Variants in CIDEA observed in about 807,000 individuals in gnomAD.
CIDEA encodes the protein cell death inducing DFFA like effector a, also known as lipid transferase CIDEA.
In CIDEA, 10 loss-of-function variants were observed where a neutral mutation model predicts 18.2. The ratio of observed to expected loss-of-function variants is 0.55; its 90% CI spans 0.34 to 0.93. The LOEUF (loss-of-function observed/expected upper bound fraction) is 0.93, where lower values mean the gene tolerates loss of function less well. Ranked by LOEUF, CIDEA falls within the 40% of genes least tolerant of loss-of-function variation. The pLI, the probability that CIDEA is intolerant of heterozygous loss-of-function variation, is 0.02. For missense variants in CIDEA, 309 were observed against 293.1 expected (o/e 1.05, Z -0.40); for synonymous variants, 128 against 124.8 (o/e 1.03, Z -0.17).
At chr18:12,255,758 G>C (rs1296495422) in intron 1 of CIDEA, among the ~76,000 whole-genome samples, 1 of 152,220 alleles carries the variant, frequency 6.6e-6, no homozygotes, top group Non-Finnish European at 1.5e-5. Context: ...CAGGATTCAG[G>C]CTGAGCCTGT....
rs1568104915 is a variant in CIDEA at position 12,270,178 on chromosome 18, C to T, written c.331-3915C>T. The stretch of plus-strand genomic sequence containing the variant: ...AGAAAAGTAAGGGGAAAACGCATGG[C>T]ATAAAAACCTCTTGAGAGGAGGGGA... On this transcript the variant is annotated intron_variant, in intron 3 of 4. Coordinates refer to ENST00000320477, the MANE Select transcript of CIDEA (RefSeq NM_001279.4). Among the ~76,000 whole-genome samples, 7 of 152,174 alleles carry T rather than the reference C, an allele frequency of 4.6e-5. No homozygotes were observed. In the South Asian group the frequency reaches 1.5e-3, roughly 32 times the overall value.
intron 4 of CIDEA, among the ~76,000 whole-genome samples, chr18:12,274,782 A>G (rs1321239847): frequency 6.6e-6 from 1 of 152,204 alleles, no homozygotes; most frequent in Non-Finnish European, 1.5e-5. Context: ...GGCTGGTTGC[A>G]CAGCATCCCA....
At chr18:12,262,391 A>G (rs1409443060) in intron 1 of CIDEA, among the ~76,000 whole-genome samples, 1 of 152,078 alleles carries the variant, frequency 6.6e-6, no homozygotes, top group African/African-American at 2.4e-5. Context: ...TTTCTGGCTT[A>G]CCCTTATTGT....
At chr18:12,256,485 T>G (rs767534238) in intron 1 of CIDEA, among the ~76,000 whole-genome samples, 1 of 152,166 alleles carries the variant, frequency 6.6e-6, no homozygotes, top group African/African-American at 2.4e-5. Flanking sequence ...CAGCCTGAGG[T>G]CTCACAACAA....
At chr18:12,272,155 G>GGGGGT (rs1912559728) in intron 3 of CIDEA, among the ~76,000 whole-genome samples, 1 of 14,692 alleles carries the variant, frequency 6.8e-5, no homozygotes, top group African/African-American at 1.3e-4. Context: ...TGTGTGGGGG[G>GGGGGT]GGGGGGTTGG....
At chr18:12,261,709 G>T (rs1017443939) in intron 1 of CIDEA, among the ~76,000 whole-genome samples, 1 of 152,054 alleles carries the variant, frequency 6.6e-6, no homozygotes, top group East Asian at 2.0e-4. Context: ...GAGTAGATGA[G>T]AGTATAGCTG....
chr18:12,270,901 T>TTTTTTTTTTTTTTTTTTTTTTTTTG, intron 3 of CIDEA, among the ~76,000 whole-genome samples: 1 of 136,420 alleles, frequency 7.3e-6, no homozygotes, highest in Non-Finnish European at 1.6e-5. Context: ...TTTCTTTTTT[T>TTTTTTTTTTTTTTTTTTTTTTTTTG]TTTTTTTTTT....
chr18:12,261,263 A>G (rs1912182494), intron 1 of CIDEA, among the ~76,000 whole-genome samples: 1 of 152,178 alleles, frequency 6.6e-6, no homozygotes, highest in Admixed American at 6.5e-5. Context: ...GCACGCCTGC[A>G]ATCCCAGCTA....
At chr18:12,269,171 A>G (rs1912444188) in intron 3 of CIDEA, among the ~76,000 whole-genome samples, 1 of 152,212 alleles carries the variant, frequency 6.6e-6, no homozygotes, top group Admixed American at 6.5e-5. Flanking sequence ...TCCAAAACAA[A>G]AAGATGGAGG....
At chr18:12,269,786 C>A (rs1046225803) in intron 3 of CIDEA, among the ~76,000 whole-genome samples, 1 of 152,124 alleles carries the variant, frequency 6.6e-6, no homozygotes, top group African/African-American at 2.4e-5. Context: ...CAGCCTTCAC[C>A]TCCTGGGCTC....
chr18:12,264,697 G>A lies in CIDEA; in HGVS notation c.330+244G>A, dbSNP rs536533234. ...GCCTCCGGAGTAGCTGGGACTACAG[G>A]CACCCGCCACCACGCCTGGCTAACT... On this transcript the variant is annotated intron_variant, in intron 3 of 4. Coordinates refer to ENST00000320477, the MANE Select transcript of CIDEA (RefSeq NM_001279.4). Among the ~76,000 whole-genome samples, 108 of 152,214 alleles carry A rather than the reference G, an allele frequency of 7.1e-4. 1 individual carries two copies. The highest frequency in any genetic ancestry group is 1.1e-3 in the Non-Finnish European group (73 of 67,998).
intron 1 of CIDEA, among the ~76,000 whole-genome samples, chr18:12,260,797 G>A (rs903951869): frequency 2.0e-5 from 3 of 152,208 alleles, no homozygotes; most frequent in Non-Finnish European, 2.9e-5. Flanking sequence ...AAGCAGTGAT[G>A]TGCTCACTTT....
At chr18:12,255,038 G>A (rs985356837) in intron 1 of CIDEA, 7 of 901,844 alleles carry the variant, frequency 7.8e-6, no homozygotes, top group South Asian at 3.5e-5. Context: ...GGGGGACAAG[G>A]GGCGGGTGGA....
chr18:12,270,688 CAAAA>C (rs68102741), intron 3 of CIDEA, among the ~76,000 whole-genome samples: 33 of 72,802 alleles, frequency 4.5e-4, no homozygotes, highest in African/African-American at 2.4e-3. Flanking sequence ...CTCCGTCTCA[CAAAA>C]AAAAAAAAAA....
intron 3 of CIDEA, among the ~76,000 whole-genome samples, chr18:12,264,714 T>C (rs4797659): frequency 0.84 from 126,931 of 151,644 alleles, 54,860 homozygotes; most frequent in Non-Finnish European, 0.95. Context: ...CCACCACGCC[T>C]GGCTAACTTT....
intron 4 of CIDEA, among the ~76,000 whole-genome samples, chr18:12,276,400 C>T (rs907171993): frequency 6.6e-6 from 1 of 152,126 alleles, no homozygotes; most frequent in African/African-American, 2.4e-5. Flanking sequence ...TCAAGCGATC[C>T]TCCCACCTCA....
intron 3 of CIDEA, among the ~76,000 whole-genome samples, chr18:12,270,688 C>CAAAAAAAAAAAAAAAAAAAAAAAAAAAAA (rs68102741): frequency 1.4e-5 from 1 of 72,828 alleles, no homozygotes; most frequent in African/African-American, 8.4e-5. Flanking sequence ...CTCCGTCTCA[C>CAAAAAAAAAAAAAAAAAAAAAAAAAAAAA]AAAAAAAAAA....
At chr18:12,261,936 G>A (rs1423025480) in intron 1 of CIDEA, among the ~76,000 whole-genome samples, 1 of 151,890 alleles carries the variant, frequency 6.6e-6, no homozygotes, top group Non-Finnish European at 1.5e-5. Context: ...GGCTGAGGCA[G>A]GAGGGAGGAC....
intron 1 of CIDEA, among the ~76,000 whole-genome samples, chr18:12,258,866 T>C (rs1912111924): frequency 6.6e-6 from 1 of 152,208 alleles, no homozygotes; most frequent in South Asian, 2.1e-4. Flanking sequence ...CTTCAGCTAG[T>C]TTAAATTTCA....
Sources: allele counts gnomAD v4.1 joint callset (sites outside exome capture counted in the v4.1 genomes callset), GRCh38; gene constraint gnomAD v4.1.1; transcripts MANE v1.5; gene names NCBI Gene and HGNC (gene_info 2026-07-23, HGNC 2026-07-21).